Variants in VPS13D observed in about 807,000 individuals in gnomAD.
The protein encoded by VPS13D is vacuolar protein sorting 13 homolog D.
In VPS13D, 187 loss-of-function variants were observed where a neutral mutation model predicts 461.9. That is an observed-to-expected ratio of 0.40 (90% CI 0.36 to 0.46). The LOEUF (loss-of-function observed/expected upper bound fraction) is 0.46. Ranked by LOEUF, VPS13D falls within the 20% of genes least tolerant of loss-of-function variation. VPS13D has a pLI of 0.60. For synonymous variants in VPS13D, 1,951 were observed against 1,986.3 expected (o/e 0.98, Z 0.47); for missense variants, 4,711 against 5,364.9 (o/e 0.88, Z 3.81).
chr1:12,279,505 A>C lies in VPS13D; in HGVS notation c.4457A>C (p.His1486Pro). The C allele has an allele frequency of 6.3e-7, 1 of 1,590,192 alleles. No individual in the cohort carries two copies. Among genetic ancestry groups the C allele is most frequent in the South Asian group, 1.1e-5 (1 of 87,840 alleles). ...FESLHRGQAF[H>P]ILNNTTIQFK... ...TTCATCTCTTTTATGCCAGCTTTTC[A>C]CATCCTGAACAACACCACCATTCAG... is the stretch of plus-strand genomic sequence containing the variant. The change falls in exon 20 of 70, where the codon CAC becomes CCC. Residue 1486 changes from histidine (H) to proline (P), a missense_variant. This residue lies in a region of VPS13D where 4,411 missense variants were observed against 4,937.8 expected (regional missense o/e 0.89). Transcript: ENST00000620676. This position sits in a 1 kb window ranked among gnomAD's most constrained non-coding sequence, Gnocchi z 4.3.
intron 26 of VPS13D, among the ~76,000 whole-genome samples, chr1:12,305,534 C>A (rs1183018029): frequency 6.6e-6 from 1 of 152,204 alleles, no homozygotes; most frequent in Non-Finnish European, 1.5e-5. Context: ...AAGTGATCCT[C>A]CTGCCTCAGC....
At chr1:12,292,397 A>G (rs1642159731) in intron 23 of VPS13D, among the ~76,000 whole-genome samples, 1 of 142,840 alleles carries the variant, frequency 7.0e-6, no homozygotes, top group South Asian at 2.2e-4. Flanking sequence ...CTGCCTCTAC[A>G]TATTCTGATT....
At chr1:12,318,471 G>C in intron 31 of VPS13D, 134 bp downstream of exon 31, 1 of 1,157,830 alleles carries the variant, frequency 8.6e-7, no homozygotes, top group East Asian at 2.5e-5. Context: ...TTACAGACCT[G>C]CAAGCATCAG....
In VPS13D at chr1:12,249,301, A is replaced by T; in HGVS notation, c.526A>T (p.Ile176Phe). 1 of 1,614,058 alleles carries T rather than the reference A, an allele frequency of 6.2e-7. No homozygotes were observed. The highest frequency in any genetic ancestry group is 1.1e-5 in the South Asian group (1 of 91,052). The change falls in exon 6 of 70, where the codon ATT becomes TTT. Residue 176 changes from isoleucine (I) to phenylalanine (F), a missense_variant. Ile to Phe is a conservative substitution (Grantham distance 21, BLOSUM62 0). Around this residue, in one of 3 missense-constraint regions of VPS13D, gnomAD observed 4,411 missense variants for 4,937.8 expected, o/e 0.89. Coordinates refer to ENST00000620676, the MANE Select transcript of VPS13D (RefSeq NM_015378.4). ...PSHPFAFGIC[I>F]KNVSMQNAVN... ...CCATCCTTTTGCTTTTGGCATCTGC[A>T]TTAAGAATGTGTCCATGCAAAATGC...
In VPS13D at chr1:12,386,248, G is replaced by A. The variant is rs779572060; in HGVS notation, c.11548G>A (p.Val3850Ile). The A allele has an allele frequency of 6.2e-7, 1 of 1,613,778 alleles. No homozygotes were observed. The highest frequency in any genetic ancestry group is 1.1e-5 in the South Asian group (1 of 91,006). Residue 3850 changes from valine to isoleucine, a missense_variant, in exon 60 of 70, where the codon GTC becomes ATC. By Grantham distance (29) the Val-to-Ile change is conservative. Coordinates refer to ENST00000620676, the MANE Select transcript of VPS13D (RefSeq NM_015378.4). Reference protein sequence around the residue: ...SLINKVPEELVFASLTGINVH... With the variant: ...SLINKVPEELIFASLTGINVH... ...AATTAATAAAGTCCCAGAAGAACTGGTCTTTGCAAGTCTTACAGGAATCAA... is the reference window on the plus strand; with the variant it reads ...AATTAATAAAGTCCCAGAAGAACTGATCTTTGCAAGTCTTACAGGAATCAA...
intron 57 of VPS13D, among the ~76,000 whole-genome samples, chr1:12,381,980 T>TTC (rs34633201): frequency 2.3e-4 from 30 of 131,262 alleles, no homozygotes; most frequent in East Asian, 5.1e-4. Context: ...CTTTCTTTCT[T>TTC]TCTCTCTCTC....
At position 12,473,609 on chromosome 1, in the gene VPS13D, G is replaced by C. The variant is rs1262019739; in HGVS notation, c.12662+13213G>C. Among the ~76,000 whole-genome samples the C allele has an allele frequency of 1.3e-5, 2 of 152,158 alleles. No individual in the cohort carries two copies. The highest frequency in any genetic ancestry group is 4.8e-5 in the African/African-American group (2 of 41,432). ...TTATATCATGTATATAAAGCACTCA[G>C]CCTGGCATGTGGCATGCAGGTAGGG... On this transcript the variant is annotated intron_variant, in intron 67 of 69. Transcript: ENST00000620676. The surrounding 1 kb of genome is among the most constrained non-coding windows in gnomAD (Gnocchi z 4.2).
Position 12,283,212 on chromosome 1 carries a change from G to A in VPS13D, c.5110G>A (p.Glu1704Lys), listed in dbSNP as rs1452798572. 1 of 1,614,124 alleles carries A rather than the reference G, an allele frequency of 6.2e-7. No homozygotes were observed. Among genetic ancestry groups the A allele is most frequent in the Non-Finnish European group, 8.5e-7 (1 of 1,180,020 alleles). The change falls in exon 21 of 70, where the codon GAA becomes AAA. Residue 1704 changes from glutamate to lysine, a missense_variant. Transcript: ENST00000620676. The part of the protein sequence containing the change: ...APKPSSLAQK[E>K]YLSQSCPSVS... ...TAAGCCATCTAGTTTAGCACAAAAA[G>A]AATACCTTTCTCAGTCTTGCCCCTC...
rs762575877 is a variant in VPS13D, at chr1:12,277,186, G to T, written c.3598G>T (p.Gly1200Cys). Residue 1200 changes from glycine (G) to cysteine (C), a missense_variant, in exon 19 of 70, where the codon GGC becomes TGC. Gly to Cys is a radical substitution (Grantham distance 159). Coordinates refer to ENST00000620676, the MANE Select transcript of VPS13D (RefSeq NM_015378.4). ...AAAAATTGCAACTGCAAGTATAGGT[G>T]GCACCAAAGTTAATGTCTCAATGGG... ...GRKIATASIG[G>C]TKVNVSMGST... 22 of 1,614,050 alleles carry T rather than the reference G, an allele frequency of 1.4e-5. No individual in the cohort carries two copies. The highest frequency in any genetic ancestry group is 1.6e-4 in the Middle Eastern group (1 of 6,084).
chr1:12,504,993 A>C (rs1646085911), intron 68 of VPS13D, among the ~76,000 whole-genome samples: 1 of 152,158 alleles, frequency 6.6e-6, no homozygotes, highest in Admixed American at 6.5e-5. Context: ...TGCTGTGCTC[A>C]CCTAGAGGAA....
At chr1:12,333,140 GTCCTTGCTGAACATT>G (rs1359104741) in intron 37 of VPS13D, 71 bp from the exon 38 acceptor site, 84 of 1,490,200 alleles carry the variant, frequency 5.6e-5, no homozygotes, top group Non-Finnish European at 7.3e-5. Flanking sequence ...GCTCGAGTTT[GTCCTTGCTGAACATT>G]TGCGAGCAGT....
chr1:12,238,965 A>C (rs962800061), intron 2 of VPS13D, among the ~76,000 whole-genome samples: 2 of 152,056 alleles, frequency 1.3e-5, no homozygotes, highest in Non-Finnish European at 2.9e-5. Context: ...CTGATCTCAG[A>C]GGACTGTTAA....
At chr1:12,406,634 G>A (rs1240772328) in intron 63 of VPS13D, among the ~76,000 whole-genome samples, 1 of 152,134 alleles carries the variant, frequency 6.6e-6, no homozygotes, top group Non-Finnish European at 1.5e-5. Context: ...GGAAGAATGG[G>A]GAGATAATAG....
At chr1:12,257,314 C>G (rs911783946) in intron 9 of VPS13D, among the ~76,000 whole-genome samples, 9 of 152,178 alleles carry the variant, frequency 5.9e-5, no homozygotes, top group African/African-American at 2.2e-4. Context: ...TAGTAAAATT[C>G]AGAGGATCCT....
intron 67 of VPS13D, among the ~76,000 whole-genome samples, chr1:12,493,906 AAG>A (rs1645921843): frequency 6.6e-6 from 1 of 152,220 alleles, no homozygotes; most frequent in Non-Finnish European, 1.5e-5. Context: ...TTAGAGAAGA[AAG>A]AAGAGTTTTT....
At chr1:12,417,677 G>A (rs929454216) in intron 65 of VPS13D, among the ~76,000 whole-genome samples, 6 of 152,282 alleles carry the variant, frequency 3.9e-5, no homozygotes, top group Admixed American at 1.3e-4. Context: ...TTGTGGCACC[G>A]CGTAGAAATG....
intron 60 of VPS13D, among the ~76,000 whole-genome samples, chr1:12,394,137 C>G (rs1213975859): frequency 2.0e-5 from 3 of 152,140 alleles, no homozygotes; most frequent in Non-Finnish European, 2.9e-5. Flanking sequence ...TAGTGGGGTC[C>G]TTCCTCAAGG....
At chr1:12,442,025 AT>A (rs528406034) in intron 65 of VPS13D, among the ~76,000 whole-genome samples, 13 of 152,154 alleles carry the variant, frequency 8.5e-5, no homozygotes, top group African/African-American at 2.7e-4. Flanking sequence ...ATAAAACATG[AT>A]TTTTTTAGCT....
intron 55 of VPS13D, among the ~76,000 whole-genome samples, chr1:12,375,764 C>G (rs1405167073): frequency 1.3e-5 from 2 of 152,224 alleles, no homozygotes; most frequent in African/African-American, 4.8e-5. Context: ...TTGGCTTCAG[C>G]CCCTGCTCTG....
Sources: gnomAD v4.1 joint callset for allele counts (sites outside exome capture counted in the v4.1 genomes callset) on GRCh38, gnomAD v4.1.1 for gene constraint, gnomAD v4.1.1 regional missense constraint, Gnocchi (gnomAD v3.1) non-coding constraint, MANE v1.5 for transcripts, NCBI Gene and HGNC (gene_info 2026-07-23, HGNC 2026-07-21) for gene names.